The following CDIN1 variants were observed in gnomAD, a reference collection of about 807,000 sequenced individuals.
CDIN1 encodes CDAN1-interacting nuclease 1.
Under a neutral mutation model 45.3 loss-of-function variants are expected in CDIN1, and 33 were observed. The ratio of observed to expected loss-of-function variants is 0.73; its 90% confidence interval spans 0.55 to 0.97. CDIN1 has a LOEUF of 0.97. CDIN1 is among the 50% of genes least tolerant of loss of function. The probability of loss-of-function intolerance (pLI) is 0.00; values close to 1 mark genes in which losing one functional copy is unlikely to be tolerated. For synonymous variants in CDIN1, 118 were observed against 124.4 expected (o/e 0.95, Z 0.34); for missense variants, 303 against 339.4 (o/e 0.89, Z 0.84).
At chr15:36,726,073 T>C (rs2043613690) in intron 10 of CDIN1, among the ~76,000 whole-genome samples, 2 of 152,216 alleles carry the variant, frequency 1.3e-5, no homozygotes, top group Admixed American at 1.3e-4. Flanking sequence ...GTCTACTAAA[T>C]GAAATTAAGA....
chr15:36,798,434 A>G (rs2054894285), intron 10 of CDIN1, among the ~76,000 whole-genome samples: 2 of 152,154 alleles, frequency 1.3e-5, no homozygotes, highest in African/African-American at 4.8e-5. Flanking sequence ...GATTTTCCTT[A>G]TCATTAAATA....
chr15:36,618,167 G>T, intron 1 of CDIN1: 1 of 701,386 alleles, frequency 1.4e-6, no homozygotes, highest in Non-Finnish European at 2.6e-6. Context: ...TAAAAGACAT[G>T]CTACTGCTAT....
At chr15:36,667,394 T>G (rs2140514638) in intron 5 of CDIN1, among the ~76,000 whole-genome samples, 1 of 152,352 alleles carries the variant, frequency 6.6e-6, no homozygotes, top group South Asian at 2.1e-4. Context: ...ATTGTTATTG[T>G]GCTGACATAA....
intron 1 of CDIN1, among the ~76,000 whole-genome samples, chr15:36,585,828 A>G (rs2037269189): frequency 6.6e-6 from 1 of 152,226 alleles, no homozygotes; most frequent in Admixed American, 6.5e-5. Context: ...GACAAGAAGA[A>G]AAATTGGAAG....
At chr15:36,609,987 C>T (rs2038570778) in intron 1 of CDIN1, among the ~76,000 whole-genome samples, 1 of 152,182 alleles carries the variant, frequency 6.6e-6, no homozygotes, top group Non-Finnish European at 1.5e-5. Flanking sequence ...TCTGTGTGAC[C>T]ACATGCTTTA....
At chr15:36,600,764 A>G (rs980025409) in intron 1 of CDIN1, among the ~76,000 whole-genome samples, 4 of 152,206 alleles carry the variant, frequency 2.6e-5, no homozygotes, top group African/African-American at 9.7e-5. Context: ...GACCATTTAT[A>G]CCAGGAGAAC....
chr15:36,768,800 AAAG>A (rs374876141), intron 10 of CDIN1, among the ~76,000 whole-genome samples: 338 of 152,244 alleles, frequency 2.2e-3, no homozygotes, highest in African/African-American at 7.1e-3. Flanking sequence ...AGGAAAAAGC[AAAG>A]AAGAGTAAAA....
intron 10 of CDIN1, among the ~76,000 whole-genome samples, chr15:36,763,942 T>C (rs1193536298): frequency 6.6e-6 from 1 of 152,222 alleles, no homozygotes; most frequent in African/African-American, 2.4e-5. Flanking sequence ...TGTATAAGTC[T>C]GGTGACTGTC....
chr15:36,774,410 T>C (rs1347026333), intron 10 of CDIN1, among the ~76,000 whole-genome samples: 1 of 152,090 alleles, frequency 6.6e-6, no homozygotes, highest in Non-Finnish European at 1.5e-5. Flanking sequence ...ACTAAAATTT[T>C]AAAAGTAATT....
chr15:36,592,614 C>T (rs2037634651), intron 1 of CDIN1, among the ~76,000 whole-genome samples: 3 of 152,124 alleles, frequency 2.0e-5, no homozygotes, highest in Non-Finnish European at 2.9e-5. Context: ...GTTGGGCTTT[C>T]TCCTTATGTT....
At position 36,800,917 on chromosome 15, in the gene CDIN1, A is replaced by G. The variant is rs1456724307; in HGVS notation, c.717-7407A>G. On this transcript the variant is annotated intron_variant, in intron 10 of 10. Transcript: ENST00000566621. ...TGTGTGTGTGTGTGTGTGTATATATATATATATATATATATATATATATAT... is the reference window on the plus strand; with the variant it reads ...TGTGTGTGTGTGTGTGTGTATATATGTATATATATATATATATATATATAT... 4.5e-4 allele frequency among the ~76,000 whole-genome samples: 41 copies of G among 91,986 alleles called. No individual in the cohort carries two copies. The South Asian group carries it at 5.5e-3, about 12-fold the overall frequency. 60.3% of individuals were successfully genotyped at this position (91,986 alleles called of 152,430 possible). A position where few individuals can be genotyped will look rare whatever the true frequency, so the allele number is the denominator to read the frequency against.
intron 8 of CDIN1, chr15:36,705,975 C>A (rs1292131343): frequency 1.3e-5 from 2 of 151,990 alleles, no homozygotes; most frequent in Admixed American, 6.6e-5. Context: ...TAATCTTTAT[C>A]ATTTTTTTCT....
chr15:36,789,718 T>TC (rs1410900203), intron 10 of CDIN1, among the ~76,000 whole-genome samples: 3 of 152,328 alleles, frequency 2.0e-5, no homozygotes, highest in Admixed American at 2.0e-4. Flanking sequence ...ATGATGTCCT[T>TC]CCTCCTCGTG....
chr15:36,623,146 A>G (rs2039272197), intron 1 of CDIN1, among the ~76,000 whole-genome samples: 1 of 152,112 alleles, frequency 6.6e-6, no homozygotes, highest in Non-Finnish European at 1.5e-5. Context: ...TTATTTTGGG[A>G]ACATAGTGAA....
At chr15:36,675,248 C>T (rs944350270) in intron 5 of CDIN1, among the ~76,000 whole-genome samples, 2 of 152,026 alleles carry the variant, frequency 1.3e-5, no homozygotes, top group Non-Finnish European at 2.9e-5. Flanking sequence ...TTTTAATTTA[C>T]ACTTAATTGC....
intron 10 of CDIN1, 70 bp from the exon 11 acceptor site, chr15:36,808,253 GC>G: frequency 6.3e-7 from 1 of 1,580,592 alleles, no homozygotes; most frequent in Non-Finnish European, 8.6e-7. Flanking sequence ...TCTTATCAGT[GC>G]CCCAAGGTGA....
At chr15:36,670,500 A>G (rs572902590) in intron 5 of CDIN1, among the ~76,000 whole-genome samples, 1 of 152,250 alleles carries the variant, frequency 6.6e-6, no homozygotes, top group South Asian at 2.1e-4. Context: ...TTTGCATATC[A>G]AGTAGTTTTG....
At chr15:36,795,965 T>A (rs1795587725) in intron 10 of CDIN1, among the ~76,000 whole-genome samples, 2 of 152,212 alleles carry the variant, frequency 1.3e-5, no homozygotes, top group Non-Finnish European at 2.9e-5. Flanking sequence ...TTTAGGAAAT[T>A]TTCTGACCTA....
chr15:36,625,138 G>A (rs899238224), intron 1 of CDIN1, among the ~76,000 whole-genome samples: 5 of 151,958 alleles, frequency 3.3e-5, no homozygotes, highest in African/African-American at 7.3e-5. Context: ...AAAATTAGCC[G>A]GGTGTGGTGG....
Sources: gnomAD v4.1 joint callset for allele counts (sites outside exome capture counted in the v4.1 genomes callset) on GRCh38, gnomAD v4.1.1 for gene constraint, MANE v1.5 for transcripts, NCBI Gene and HGNC (gene_info 2026-07-23, HGNC 2026-07-21) for gene names.